Variants in ACTR3C observed in about 807,000 individuals in gnomAD.
ACTR3C encodes actin-related protein 3C.
In ACTR3C, 18 loss-of-function variants were observed where a neutral mutation model predicts 26.3. The observed-to-expected ratio is 0.68, with a 90% CI of 0.47 to 1.01. ACTR3C has a LOEUF of 1.01. Ranked by LOEUF, ACTR3C falls within the 50% of genes least tolerant of loss-of-function variation. The pLI, the probability that ACTR3C is intolerant of heterozygous loss-of-function variation, is 0.00. For synonymous variants in ACTR3C, 55 were observed against 94.5 expected (o/e 0.58, Z 2.42); for missense variants, 184 against 250.7 (o/e 0.73, Z 1.80).
At chr7:149,968,317 G>A in the ACTR3C span, among the ~76,000 whole-genome samples, 2 of 152,166 alleles carry the variant, frequency 1.3e-5, no homozygotes, top group Non-Finnish European at 2.9e-5. Context: ...AGGCTGAGGC[G>A]GGTGGATCAC....
At chr7:150,071,223 A>G in the ACTR3C span, among the ~76,000 whole-genome samples, 6 of 151,746 alleles carry the variant, frequency 4.0e-5, no homozygotes. Context: ...TCCCGGGTTC[A>G]TGCCATTCTC....
At chr7:150,263,746 A>C (rs1012980031) in intron 6 of ACTR3C, among the ~76,000 whole-genome samples, 6 of 152,226 alleles carry the variant, frequency 3.9e-5, no homozygotes, top group African/African-American at 1.4e-4. Flanking sequence ...AAAAAGACAG[A>C]ATATCTGCAA....
At chr7:150,123,771 A>G in the ACTR3C span, among the ~76,000 whole-genome samples, 1 of 152,240 alleles carries the variant, frequency 6.6e-6, no homozygotes, top group Non-Finnish European at 1.5e-5. Context: ...AAAGAGCCAG[A>G]AGCTCCTGCA....
chr7:150,242,415 C>A (rs1305360127), downstream of ACTR3C, among the ~76,000 whole-genome samples: 7 of 150,612 alleles, frequency 4.6e-5, no homozygotes, highest in Non-Finnish European at 1.0e-4. Context: ...GCACAGGGAG[C>A]TTTTCGGAGT....
At chr7:149,984,969 C>T in the ACTR3C span, among the ~76,000 whole-genome samples, 1 of 152,018 alleles carries the variant, frequency 6.6e-6, no homozygotes, top group Admixed American at 6.5e-5. Flanking sequence ...AGGAAAGAAT[C>T]CTGCCTTATG....
At chr7:150,037,967 G>A in the ACTR3C span, among the ~76,000 whole-genome samples, 1 of 138,584 alleles carries the variant, frequency 7.2e-6, no homozygotes, top group Non-Finnish European at 1.6e-5. Context: ...GCCAGGGGAG[G>A]AAAGGGGGAG....
chr7:150,301,828 T>C (rs1795455206), intron 1 of ACTR3C, among the ~76,000 whole-genome samples: 1 of 151,566 alleles, frequency 6.6e-6, no homozygotes, highest in African/African-American at 2.4e-5. Context: ...ATCAAATGTA[T>C]AGAGACAGAA....
chr7:150,205,497 C>T, the ACTR3C span, among the ~76,000 whole-genome samples: 4 of 152,186 alleles, frequency 2.6e-5, no homozygotes, highest in Non-Finnish European at 5.9e-5. Flanking sequence ...ACATAAACTA[C>T]GCAACTCCAA....
the ACTR3C span, among the ~76,000 whole-genome samples, chr7:149,886,299 T>A: frequency 6.6e-6 from 1 of 152,212 alleles, no homozygotes; most frequent in Non-Finnish European, 1.5e-5. Flanking sequence ...GAAAAATACC[T>A]GGGGCCTGCT....
chr7:150,036,321 G>C, the ACTR3C span, among the ~76,000 whole-genome samples: 1,718 of 147,770 alleles, frequency 0.012, 48 homozygotes, highest in Middle Eastern at 0.045. Context: ...CAAATAGGGG[G>C]GCCATCCTTT....
the ACTR3C span, among the ~76,000 whole-genome samples, chr7:150,066,280 G>T: frequency 2.0e-5 from 3 of 152,190 alleles, no homozygotes; most frequent in Non-Finnish European, 4.4e-5. Flanking sequence ...GGCATGGGAA[G>T]GATCCACAGC....
the ACTR3C span, among the ~76,000 whole-genome samples, chr7:150,226,692 C>T: frequency 6.6e-6 from 1 of 152,200 alleles, no homozygotes; most frequent in East Asian, 1.9e-4. Context: ...TCTGCCTTGG[C>T]CTCTCAAAGT....
the ACTR3C span, among the ~76,000 whole-genome samples, chr7:150,078,128 C>A: frequency 3.3e-5 from 5 of 152,330 alleles, no homozygotes; most frequent in East Asian, 9.7e-4. Flanking sequence ...GAACTCTTTT[C>A]TTCTACCTTT....
At chr7:149,994,117 T>C in the ACTR3C span, among the ~76,000 whole-genome samples, 1 of 152,196 alleles carries the variant, frequency 6.6e-6, no homozygotes, top group Non-Finnish European at 1.5e-5. Flanking sequence ...CCTCTTGTGA[T>C]TTTTTTGATC....
chr7:150,038,283 A>G, the ACTR3C span, among the ~76,000 whole-genome samples: 5 of 144,418 alleles, frequency 3.5e-5, no homozygotes, highest in African/African-American at 1.3e-4. Flanking sequence ...TTGTTTAGAG[A>G]CGTAGGCTAC....
chr7:150,090,412 T>C, the ACTR3C span, among the ~76,000 whole-genome samples: 83,594 of 152,096 alleles, frequency 0.55, 24,231 homozygotes, highest in East Asian at 0.82. Context: ...GCAGATTTGC[T>C]GCATTCTGTT....
chr7:150,316,480 G>GTTTTTTTTTTTTTTTTTTT (rs1563212991), intron 1 of ACTR3C, among the ~76,000 whole-genome samples: 1 of 131,732 alleles, frequency 7.6e-6, no homozygotes, highest in Non-Finnish European at 1.6e-5. Context: ...TTAGAATCTG[G>GTTTTTTTTTTTTTTTTTTT]TTATTTTTTT....
At chr7:150,273,621 A>T (rs1472912036) in intron 6 of ACTR3C, among the ~76,000 whole-genome samples, 4 of 150,550 alleles carry the variant, frequency 2.7e-5, no homozygotes, top group African/African-American at 9.9e-5. Context: ...TTACTTTCGC[A>T]GTTTAACAAA....
At chr7:150,070,328 A>C in the ACTR3C span, among the ~76,000 whole-genome samples, 20 of 152,208 alleles carry the variant, frequency 1.3e-4, no homozygotes, top group Non-Finnish European at 2.4e-4. Context: ...CTTCCACGGC[A>C]CTGGACAAAG....
Sources: gnomAD v4.1 joint callset for allele counts (sites outside exome capture counted in the v4.1 genomes callset) on GRCh38, gnomAD v4.1.1 for gene constraint, MANE v1.5 for transcripts, NCBI Gene and HGNC (gene_info 2026-07-23, HGNC 2026-07-21) for gene names.